The following ELMO1 variants were observed in gnomAD, a reference collection of about 807,000 sequenced individuals.
The protein encoded by ELMO1 is engulfment and cell motility protein 1.
ELMO1 carries 26 observed loss-of-function variants against 98.9 expected under a neutral mutation model. That is an observed-to-expected ratio of 0.26 (90% CI 0.19 to 0.36). The LOEUF (loss-of-function observed/expected upper bound fraction) is 0.36, where lower values mean the gene tolerates loss of function less well. ELMO1 is among the 10% of genes least tolerant of loss of function. The pLI, the probability that ELMO1 is intolerant of heterozygous loss-of-function variation, is 1.00. For synonymous variants in ELMO1, 346 were observed against 346.0 expected, an observed-to-expected ratio of 1.00 and a Z score of 0.00; for missense variants, 627 against 935.2, an observed-to-expected ratio of 0.67 and a Z score of 4.30.
intron 16 of ELMO1, among the ~76,000 whole-genome samples, chr7:36,915,500 G>A (rs1365593033): frequency 6.6e-6 from 1 of 152,164 alleles, no homozygotes; most frequent in Non-Finnish European, 1.5e-5. Flanking sequence ...CCCCCATTCA[G>A]GCCTTAGAGA....
chr7:37,245,258 C>G (rs1020913429), intron 6 of ELMO1, among the ~76,000 whole-genome samples: 1 of 152,146 alleles, frequency 6.6e-6, no homozygotes, highest in Non-Finnish European at 1.5e-5. Flanking sequence ...GCCCTGAGGA[C>G]ACATCAGCTA....
intron 13 of ELMO1, among the ~76,000 whole-genome samples, chr7:37,179,340 C>T (rs1584770443): frequency 1.4e-5 from 2 of 147,860 alleles, no homozygotes; most frequent in East Asian, 2.0e-4. Context: ...TGCACTGGCG[C>T]GATCTTGGCT....
intron 18 of ELMO1, among the ~76,000 whole-genome samples, chr7:36,879,175 G>A (rs1804219950): frequency 6.6e-6 from 1 of 152,240 alleles, no homozygotes; most frequent in African/African-American, 2.4e-5. Flanking sequence ...CCCTGACAGT[G>A]TGGAAGAGTC....
intron 21 of ELMO1, among the ~76,000 whole-genome samples, chr7:36,857,844 T>C (rs900284519): frequency 2.6e-5 from 4 of 152,106 alleles, no homozygotes; most frequent in African/African-American, 4.8e-5. Flanking sequence ...TAATCAAGGC[T>C]TCACAGAGAA....
chr7:37,391,602 C>T (rs1803080217), intron 1 of ELMO1, among the ~76,000 whole-genome samples: 1 of 152,172 alleles, frequency 6.6e-6, no homozygotes, highest in African/African-American at 2.4e-5. Flanking sequence ...TGCACACGGC[C>T]TTCGTTACTC....
At position 36,894,965 on chromosome 7, in the gene ELMO1, C is replaced by A. The variant is rs956711929; in HGVS notation, c.1490G>T (p.Ser497Ile). Residue 497 changes from serine (S) to isoleucine (I), a missense_variant, in exon 17 of 22, where the codon AGC (serine) becomes ATC (isoleucine). Coordinates refer to ENST00000310758, the MANE Select transcript of ELMO1 (RefSeq NM_014800.11). ...QVMRALTTKP[S>I]SLDQFKSKLQ... ...TTTGCTCTTGAACTGGTCCAGGGAG[C>A]TAGGCTTGGTTGTAAGTGCTCTCAT... 6.2e-7 allele frequency: 1 copy of A among 1,614,078 alleles called. No individual in the cohort carries two copies. Among genetic ancestry groups the A allele is most frequent in the Non-Finnish European group, 8.5e-7 (1 of 1,179,998 alleles).
chr7:37,219,488 C>A (rs7794176), intron 10 of ELMO1, among the ~76,000 whole-genome samples: 42,559 of 152,006 alleles, frequency 0.28, 6,607 homozygotes, highest in African/African-American at 0.41. Context: ...TAAACAGATA[C>A]AACAAAAAAC....
intron 13 of ELMO1, among the ~76,000 whole-genome samples, chr7:37,145,359 A>G (rs1185239038): frequency 1.3e-5 from 2 of 152,222 alleles, no homozygotes; most frequent in Non-Finnish European, 2.9e-5. Context: ...CCAGGTGCAC[A>G]TGCATTTTAA....
chr7:37,027,693 A>G (rs1184495839), intron 15 of ELMO1, among the ~76,000 whole-genome samples: 2 of 152,188 alleles, frequency 1.3e-5, no homozygotes, highest in Non-Finnish European at 2.9e-5. Flanking sequence ...TTGCTACCCA[A>G]GCTCGTGTGG....
At chr7:37,323,761 A>G (rs1799643639) in intron 2 of ELMO1, among the ~76,000 whole-genome samples, 1 of 152,094 alleles carries the variant, frequency 6.6e-6, no homozygotes, top group Non-Finnish European at 1.5e-5. Context: ...CTTTGCCCAT[A>G]ATACAATGCT....
chr7:37,353,565 A>G (rs1801371316), intron 1 of ELMO1: 1 of 152,082 alleles, frequency 6.6e-6, no homozygotes, highest in Admixed American at 6.6e-5. Flanking sequence ...CCCAAATAAT[A>G]AGCAGCAGCA....
At chr7:36,877,023 A>G (rs1158688959) in intron 19 of ELMO1, among the ~76,000 whole-genome samples, 1 of 152,206 alleles carries the variant, frequency 6.6e-6, no homozygotes, top group Non-Finnish European at 1.5e-5. Flanking sequence ...CAGAGTCTGA[A>G]TGTGTCAGGA....
At chr7:37,384,517 A>C (rs150059630) in intron 1 of ELMO1, among the ~76,000 whole-genome samples, 20 of 152,022 alleles carry the variant, frequency 1.3e-4, no homozygotes, top group African/African-American at 4.6e-4. Context: ...TCAGGAGATC[A>C]AGACCATCCT....
rs1334797172 is a variant in ELMO1 at position 36,995,192 on chromosome 7, A to G, written c.1437+18107T>C. ...CATTTTTCTTTCAAACCCACAACCC[A>G]ACATCATAGAAGCCATTGTTAAAAT... On this transcript the variant is annotated intron_variant, in intron 16 of 21. Transcript: ENST00000310758. Among the ~76,000 whole-genome samples, 13 of 152,198 alleles carry G rather than the reference A, an allele frequency of 8.5e-5. No homozygotes were observed. The East Asian group carries it at 2.5e-3, about 29-fold the overall frequency.
intron 1 of ELMO1, among the ~76,000 whole-genome samples, chr7:37,344,073 C>T (rs916693270): frequency 6.7e-5 from 9 of 134,494 alleles, no homozygotes; most frequent in Non-Finnish European, 1.2e-4. Context: ...CCTCTGTTGC[C>T]CAGGCTGGAG....
At chr7:37,168,907 G>A (rs192613064) in intron 13 of ELMO1, among the ~76,000 whole-genome samples, 362 of 152,300 alleles carry the variant, frequency 2.4e-3, no homozygotes, top group African/African-American at 7.7e-3. Flanking sequence ...AGAGGTTACC[G>A]CTGTCTTTTT....
chr7:37,112,446 G>C (rs1452000223), intron 14 of ELMO1, among the ~76,000 whole-genome samples: 6 of 152,112 alleles, frequency 3.9e-5, no homozygotes, highest in Non-Finnish European at 8.8e-5. Flanking sequence ...TGTGGCATAG[G>C]AGCATCACCA....
At chr7:37,138,051 C>A (rs1219811672) in intron 13 of ELMO1, among the ~76,000 whole-genome samples, 2 of 152,000 alleles carry the variant, frequency 1.3e-5, no homozygotes, top group African/African-American at 2.4e-5. Flanking sequence ...GTGACACAAC[C>A]TATCAAAACC....
chr7:37,229,576 C>T (rs1794054672), intron 8 of ELMO1, among the ~76,000 whole-genome samples: 1 of 152,248 alleles, frequency 6.6e-6, no homozygotes, highest in South Asian at 2.1e-4. Context: ...CAGAGATAGG[C>T]ATCTTTTGTC....
Sources: allele counts gnomAD v4.1 joint callset (sites outside exome capture counted in the v4.1 genomes callset), GRCh38; gene constraint gnomAD v4.1.1; transcripts MANE v1.5; gene names NCBI Gene and HGNC (gene_info 2026-07-23, HGNC 2026-07-21).